The following C2CD3 variants were observed in gnomAD, a reference collection of about 807,000 sequenced individuals.
C2CD3 encodes the protein C2 domain-containing protein 3.
Under a neutral mutation model 234.0 loss-of-function variants are expected in C2CD3, and 148 were observed. The observed-to-expected ratio is 0.63, with a 90% CI of 0.55 to 0.72. The LOEUF (loss-of-function observed/expected upper bound fraction) is 0.72. Ranked by LOEUF, C2CD3 falls within the 30% of genes least tolerant of loss-of-function variation. C2CD3 has a pLI of 0.00. For synonymous variants in C2CD3, 1,000 were observed against 1,035.4 expected (o/e 0.97, Z 0.66); for missense variants, 2,577 against 2,811.5 (o/e 0.92, Z 1.89).
intron 17 of C2CD3, among the ~76,000 whole-genome samples, chr11:74,094,562 A>C (rs1956036299): frequency 6.6e-6 from 1 of 152,108 alleles, no homozygotes; most frequent in Non-Finnish European, 1.5e-5. Context: ...AGCGAGTTTG[A>C]CTTCTTGTTT....
chr11:74,131,096 G>A (rs954111751), intron 7 of C2CD3, among the ~76,000 whole-genome samples: 3 of 151,772 alleles, frequency 2.0e-5, no homozygotes, highest in African/African-American at 7.3e-5. Context: ...CTACAAGCGT[G>A]TGCCATCATG....
chr11:74,027,848 A>G (rs1339570986), intron 32 of C2CD3, among the ~76,000 whole-genome samples: 1 of 152,258 alleles, frequency 6.6e-6, no homozygotes, highest in Admixed American at 6.5e-5. Flanking sequence ...CACCTACTTC[A>G]GCTGAATGAA....
intron 3 of C2CD3, among the ~76,000 whole-genome samples, chr11:74,159,709 T>G (rs1240507623): frequency 2.0e-5 from 3 of 152,190 alleles, no homozygotes; most frequent in Non-Finnish European, 4.4e-5. Context: ...AAGCTAAGGT[T>G]AATTTATTAT....
At chr11:74,088,352 G>A (rs73559833) in intron 20 of C2CD3, among the ~76,000 whole-genome samples, 2,689 of 152,266 alleles carry the variant, frequency 0.018, 83 homozygotes, top group African/African-American at 0.062. Flanking sequence ...CAGCTAGTAG[G>A]AGATGGGGGT....
chr11:74,025,952 G>A (rs1173348201), intron 32 of C2CD3, among the ~76,000 whole-genome samples: 1 of 152,170 alleles, frequency 6.6e-6, no homozygotes, highest in African/African-American at 2.4e-5. Flanking sequence ...TGTGATGGGT[G>A]TGTGTGGGAA....
intron 7 of C2CD3, among the ~76,000 whole-genome samples, chr11:74,131,243 A>G (rs188870075): frequency 2.0e-5 from 3 of 151,670 alleles, no homozygotes; most frequent in African/African-American, 7.2e-5. Flanking sequence ...GAATCACTTG[A>G]ACCCAGGAGG....
chr11:74,068,982 G>A (rs960696132), intron 24 of C2CD3, among the ~76,000 whole-genome samples: 16 of 152,228 alleles, frequency 1.1e-4, no homozygotes, highest in Admixed American at 2.6e-4. Flanking sequence ...ATTTTTAGTA[G>A]AGAAAGGGTT....
chr11:74,103,507 T>C lies in C2CD3; in HGVS notation c.2204A>G (p.Glu735Gly). ...GGTACAGGTCATATCTTGGTTAAGT[T>C]CTGGTAGTGCCTTATTTGGACTTGT... Reference protein sequence around the residue: ...APTSPNKALPELNQDMTCTKN... With the variant: ...APTSPNKALPGLNQDMTCTKN... Residue 735 changes from glutamate (E) to glycine (G), a missense_variant, in exon 14 of 33, where the codon GAA becomes GGA. Coordinates refer to ENST00000334126, the MANE Select transcript of C2CD3 (RefSeq NM_001286577.2). 6.2e-7 allele frequency: 1 copy of C among 1,614,186 alleles called. No individual in the cohort carries two copies. The highest frequency in any genetic ancestry group is 8.5e-7 in the Non-Finnish European group (1 of 1,180,026).
intron 32 of C2CD3, among the ~76,000 whole-genome samples, chr11:74,018,672 GGAC>G (rs1951966444): frequency 1.3e-5 from 2 of 152,096 alleles, no homozygotes; most frequent in Non-Finnish European, 2.9e-5. Context: ...AGTCTGGCCT[GGAC>G]TAGAACTTCC....
Position 74,095,219 on chromosome 11 carries a change from T to C in C2CD3, c.3160+9A>G, listed in dbSNP as rs758449025. 1 of 1,600,968 alleles carries C rather than the reference T, an allele frequency of 6.2e-7. No homozygotes were observed. Among genetic ancestry groups the C allele is most frequent in the South Asian group, 1.1e-5 (1 of 89,176 alleles). The stretch of plus-strand genomic sequence containing the variant: ...TATAAGAATAAGAAAGCCTAATATC[T>C]AAACCTACCATTTTCAAGGAACTCA... On this transcript the variant is annotated intron_variant, in intron 17 of 32. Transcript: ENST00000334126.
intron 1 of C2CD3, 28 bp from the exon 2 acceptor site, chr11:74,168,641 C>A: frequency 6.3e-7 from 1 of 1,588,854 alleles, no homozygotes; most frequent in South Asian, 1.1e-5. Context: ...AAAACTGAGT[C>A]AAAATTTAGA....
In C2CD3 at chr11:74,133,523, G is replaced by A. The variant is rs747276537; in HGVS notation, c.990C>T (p.Ala330=). The stretch of plus-strand genomic sequence containing the variant: ...TTGATTTCATTGCAGAAATCACCAT[G>A]GCATTACGCAGTTTATTGCCTTGTT... ...LLEQGNKLRN[A]MVISAMKSSP... is the part of the protein sequence containing the mutation. The change falls in exon 6 of 33, where the codon GCC becomes GCT. Residue 330 remains alanine, a synonymous_variant. Transcript: ENST00000334126. 6 of 1,613,890 alleles carry A rather than the reference G, an allele frequency of 3.7e-6. No individual in the cohort carries two copies. The highest frequency in any genetic ancestry group is 1.1e-5 in the South Asian group (1 of 91,080).
At chr11:74,161,813 C>CTT (rs927069098) in intron 2 of C2CD3, among the ~76,000 whole-genome samples, 46 of 131,882 alleles carry the variant, frequency 3.5e-4, no homozygotes, top group African/African-American at 6.1e-4. Flanking sequence ...TGAAGTTCTA[C>CTT]TTTTTTTTTT....
chr11:74,099,713 G>A (rs80324994), intron 15 of C2CD3, among the ~76,000 whole-genome samples: 6,985 of 152,052 alleles, frequency 0.046, 506 homozygotes, highest in African/African-American at 0.16. Flanking sequence ...TGGTTAAGAC[G>A]GTGAAACCCC....
At chr11:74,065,505 C>G (rs910839519) in intron 24 of C2CD3, among the ~76,000 whole-genome samples, 1 of 152,114 alleles carries the variant, frequency 6.6e-6, no homozygotes, top group Non-Finnish European at 1.5e-5. Flanking sequence ...GACAGTGTGG[C>G]GATTCCTCAA....
chr11:74,104,199 T>C (rs188112780), intron 13 of C2CD3, among the ~76,000 whole-genome samples: 7 of 152,288 alleles, frequency 4.6e-5, no homozygotes, highest in Admixed American at 2.6e-4. Flanking sequence ...AATATCAGCA[T>C]ATTGAAAAAT....
At chr11:74,014,565 T>A (rs1951812151) in intron 32 of C2CD3, among the ~76,000 whole-genome samples, 1 of 150,184 alleles carries the variant, frequency 6.7e-6, no homozygotes, top group South Asian at 2.1e-4. Flanking sequence ...CAGCGAGAGT[T>A]GCTTCTGGCA....
chr11:74,061,030 T>C (rs1420863910), intron 24 of C2CD3, among the ~76,000 whole-genome samples: 3 of 152,106 alleles, frequency 2.0e-5, no homozygotes, highest in African/African-American at 7.2e-5. Flanking sequence ...GTATCAGTGA[T>C]TGAAGATCAA....
chr11:74,075,234 T>C (rs184340110), intron 23 of C2CD3, among the ~76,000 whole-genome samples: 29 of 152,292 alleles, frequency 1.9e-4, no homozygotes, highest in Admixed American at 1.6e-3. Flanking sequence ...AGTCTAAGAT[T>C]TGATGAAATC....
Sources: allele counts gnomAD v4.1 joint callset (sites outside exome capture counted in the v4.1 genomes callset), GRCh38; gene constraint gnomAD v4.1.1; transcripts MANE v1.5; gene names NCBI Gene and HGNC (gene_info 2026-07-23, HGNC 2026-07-21).